RPSA2: variants seen among roughly 807,000 people sequenced by gnomAD.
RPSA2 encodes ribosomal protein SA 2.
the RPSA2 span, among the ~76,000 whole-genome samples, chr19:23,785,775 G>C: frequency 6.6e-6 from 1 of 152,152 alleles, no homozygotes; most frequent in African/African-American, 2.4e-5. Context: ...CAGGTGCAAT[G>C]GTGACTCTCA....
At chr19:23,777,689 CA>C in the RPSA2 span, among the ~76,000 whole-genome samples, 53 of 152,240 alleles carry the variant, frequency 3.5e-4, no homozygotes, top group East Asian at 9.6e-3. Flanking sequence ...TCACTGGACC[CA>C]GCAATTAGAA....
At chr19:23,829,682 A>G in the RPSA2 span, among the ~76,000 whole-genome samples, 1 of 152,186 alleles carries the variant, frequency 6.6e-6, no homozygotes, top group African/African-American at 2.4e-5. Context: ...ATACATTTTA[A>G]TCTGGTAGAA....
the RPSA2 span, among the ~76,000 whole-genome samples, chr19:23,861,468 T>C: frequency 6.6e-6 from 1 of 152,090 alleles, no homozygotes; most frequent in African/African-American, 2.4e-5. Flanking sequence ...TCTCCCCCCA[T>C]GTGAAAGACC....
the RPSA2 span, among the ~76,000 whole-genome samples, chr19:23,797,197 C>A: frequency 1.2e-4 from 19 of 152,164 alleles, no homozygotes; most frequent in Admixed American, 2.6e-4. Flanking sequence ...GCAACCACTG[C>A]CTTCCAGGTT....
At chr19:23,807,712 T>C in the RPSA2 span, 4 of 224,968 alleles carry the variant, frequency 1.8e-5, no homozygotes, top group South Asian at 2.2e-4. Context: ...ATAATTTCAG[T>C]CACTCTTATA....
At chr19:23,790,760 GA>G in the RPSA2 span, 1 of 482,314 alleles carries the variant, frequency 2.1e-6, no homozygotes, top group South Asian at 2.3e-5. Flanking sequence ...AGGACCCGCT[GA>G]AAGCCTAGAA....
chr19:23,803,280 G>A, the RPSA2 span, among the ~76,000 whole-genome samples: 2 of 152,100 alleles, frequency 1.3e-5, no homozygotes, highest in African/African-American at 2.4e-5. Flanking sequence ...CTAACTAGAA[G>A]AGATCAGAGT....
chr19:23,827,724 C>T, the RPSA2 span: 3 of 1,580,240 alleles, frequency 1.9e-6, no homozygotes, highest in African/African-American at 4.0e-5. Flanking sequence ...ATGCGTGGCA[C>T]CATTTCCCGT....
chr19:23,798,374 G>T, the RPSA2 span, among the ~76,000 whole-genome samples: 1 of 152,092 alleles, frequency 6.6e-6, no homozygotes, highest in African/African-American at 2.4e-5. Context: ...ACTGAACAGT[G>T]GAGTATATTG....
the RPSA2 span, among the ~76,000 whole-genome samples, chr19:23,840,161 G>A: frequency 6.6e-6 from 1 of 152,228 alleles, no homozygotes; most frequent in Non-Finnish European, 1.5e-5. Context: ...TTTTCTTCTA[G>A]AAGGTCATGT....
the RPSA2 span, among the ~76,000 whole-genome samples, chr19:23,828,373 T>A: frequency 6.8e-6 from 1 of 146,714 alleles, no homozygotes; most frequent in South Asian, 2.2e-4. Flanking sequence ...TTTGAGTCTC[T>A]GTATACTTTT....
chr19:23,869,154 T>A, the RPSA2 span, among the ~76,000 whole-genome samples: 1 of 152,158 alleles, frequency 6.6e-6, no homozygotes, highest in Admixed American at 6.5e-5. Flanking sequence ...AGATCTATCG[T>A]GATCAGGGAG....
chr19:23,817,667 T>C, the RPSA2 span: 2 of 6,300 alleles, frequency 3.2e-4, no homozygotes, highest in Non-Finnish European at 0.011. Context: ...AAGCTGAGCC[T>C]TGGACTAAGA....
the RPSA2 span, among the ~76,000 whole-genome samples, chr19:23,772,126 A>G: frequency 1.3e-5 from 2 of 152,300 alleles, no homozygotes; most frequent in South Asian, 4.1e-4. Context: ...TGCATCCATG[A>G]AGTAAAAGAT....
chr19:23,782,758 A>G, the RPSA2 span, among the ~76,000 whole-genome samples: 1 of 152,012 alleles, frequency 6.6e-6, no homozygotes, highest in Non-Finnish European at 1.5e-5. Flanking sequence ...ACTCCTCTTC[A>G]TTCTTGACTT....
the RPSA2 span, among the ~76,000 whole-genome samples, chr19:23,865,549 A>G: frequency 2.6e-5 from 4 of 152,208 alleles, no homozygotes; most frequent in African/African-American, 9.7e-5. Flanking sequence ...CTGAGTCTCA[A>G]GAATTAAAAA....
the RPSA2 span, among the ~76,000 whole-genome samples, chr19:23,836,096 C>T: frequency 6.6e-6 from 1 of 151,986 alleles, no homozygotes; most frequent in Non-Finnish European, 1.5e-5. Context: ...GTGCACCCAT[C>T]ACCCAAGCAG....
chr19:23,758,687 G>A, the RPSA2 span: 20 of 1,613,726 alleles, frequency 1.2e-5, no homozygotes, highest in African/African-American at 1.9e-4. Context: ...ACTGCGGCGA[G>A]GTCTGAGTCC....
At chr19:23,858,465 A>G in the RPSA2 span, among the ~76,000 whole-genome samples, 1 of 152,236 alleles carries the variant, frequency 6.6e-6, no homozygotes, top group African/African-American at 2.4e-5. Flanking sequence ...CAAATATGTT[A>G]TAAATGTTTC....
Sources: gnomAD v4.1 joint callset for allele counts (sites outside exome capture counted in the v4.1 genomes callset) on GRCh38, gnomAD v4.1.1 for gene constraint, MANE v1.5 for transcripts, NCBI Gene and HGNC (gene_info 2026-07-23, HGNC 2026-07-21) for gene names.